Variants in CSKMT observed in about 807,000 individuals in gnomAD.
CSKMT encodes citrate synthase lysine methyltransferase.
Under a neutral mutation model 4.6 loss-of-function variants are expected in CSKMT, and 6 were observed. That is an observed-to-expected ratio of 1.31 (90% CI 0.72 to 2.59). CSKMT has a LOEUF of 2.59. Among genes scored for constraint, CSKMT ranks in the 30% most tolerant of loss-of-function variants. CSKMT has a pLI of 0.00. For missense variants in CSKMT, 328 were observed against 298.0 expected (o/e 1.10, Z -0.74); for synonymous variants, 142 against 128.9 (o/e 1.10, Z -0.69).
rs868256313 is a variant in CSKMT, at chr11:62,668,009, C to T, written c.*958C>T. 8.0e-6 allele frequency: 3 copies of T among 374,254 alleles called. No individual in the cohort carries two copies. The Admixed American group carries it at 1.2e-4, about 15-fold the overall frequency. 23.2% of individuals were successfully genotyped at this position (374,254 alleles called of 1,614,324 possible). On this transcript the variant is annotated 3_prime_UTR_variant, in exon 3 of 3. Coordinates refer to ENST00000532971, the MANE Select transcript of CSKMT (RefSeq NM_001043229.2). The stretch of plus-strand genomic sequence containing the variant: ...CTTGAACCCTGGGAGGTCAAAGCTG[C>T]AATGGGCCATGATAAGCTGCTGCAC...
At position 62,667,136 on chromosome 11, in the gene CSKMT, AGT is replaced by A; in HGVS notation, c.*87_*88del. On this transcript the variant is annotated 3_prime_UTR_variant, in exon 3 of 3. Coordinates refer to ENST00000532971, the MANE Select transcript of CSKMT (RefSeq NM_001043229.2). Reference sequence around the variant, plus strand: ...GTCTTTGCAAGCTATCTGGCTGCAAAGTGAGAATTTGAGTCCTGGCTTCCACA... The same window carrying A: ...GTCTTTGCAAGCTATCTGGCTGCAAAGAGAATTTGAGTCCTGGCTTCCACA... The A allele has an allele frequency of 5.0e-6, 7 of 1,406,250 alleles. No homozygotes were observed. The highest frequency in any genetic ancestry group is 6.7e-6 in the Non-Finnish European group (7 of 1,037,742). The allele number at this position is 1,406,250 out of a possible 1,614,324, so 87.1% of individuals were successfully genotyped here.
Position 62,666,398 on chromosome 11 carries a change from T to C in CSKMT, c.70T>C (p.Ser24Pro). The C allele has an allele frequency of 1.2e-6, 2 of 1,608,650 alleles. No homozygotes were observed. The highest frequency in any genetic ancestry group is 1.1e-5 in the South Asian group (1 of 91,074). Residue 24 changes from serine to proline, a missense_variant and splice_region_variant, in exon 3 of 3, where the codon TCA becomes CCA. Ser to Pro is a moderately conservative substitution (Grantham distance 74). Transcript: ENST00000532971. Reference sequence around the variant, plus strand: ...ACACCCTCCAACCGTGCCCACAGGCTCACTGGCTGATAGTTGCCTGGCGGA... The same window carrying C: ...ACACCCTCCAACCGTGCCCACAGGCCCACTGGCTGATAGTTGCCTGGCGGA... The part of the protein sequence containing the change: ...MMGTCRPFAG[S>P]LADSCLADRC...
In CSKMT at chr11:62,666,754, C is replaced by T. The variant is rs749819388; in HGVS notation, c.426C>T (p.His142=). 4.6e-5 allele frequency: 74 copies of T among 1,614,046 alleles called. No homozygotes were observed. In the Admixed American group the frequency reaches 6.8e-4, roughly 15 times the overall value. The part of the protein sequence containing the change: ...GHPASSLHFM[H]ADAQNLGAVA... ...CTGCCTCAAGCCTCCACTTCATGCA[C>T]GCCGATGCTCAGAACCTGGGGGCTG... is the stretch of plus-strand genomic sequence containing the variant. The change falls in exon 3 of 3, where the codon CAC becomes CAT. Residue 142 remains histidine, a synonymous_variant. Transcript: ENST00000532971.
chr11:62,667,801 C>T lies in CSKMT; in HGVS notation c.*750C>T. 7.8e-7 allele frequency: 1 copy of T among 1,281,266 alleles called. No homozygotes were observed. Among genetic ancestry groups the T allele is most frequent in the African/African-American group, 1.5e-5 (1 of 67,698 alleles). The allele number at this position is 1,281,266 out of a possible 1,614,324, so 79.4% of individuals were successfully genotyped here. On this transcript the variant is annotated 3_prime_UTR_variant, in exon 3 of 3. Transcript: ENST00000532971. The stretch of plus-strand genomic sequence containing the variant: ...ATATTACTGATATATTATCAAATTA[C>T]AAAACTAGGCCAGGCATGCTGGCTC...
chr11:62,665,857 GT>G lies in CSKMT; in HGVS notation c.-22del. 3.1e-6 allele frequency: 5 copies of G among 1,610,762 alleles called. No homozygotes were observed. The highest frequency in any genetic ancestry group is 4.2e-6 in the Non-Finnish European group (5 of 1,177,710). ...TGGACGCTTCACATAAGCTTCTCTG[GT>G]CGAACTTACCCGAATCTCCAGATGG... On this transcript the variant is annotated 5_prime_UTR_variant, in exon 2 of 3. Transcript: ENST00000532971.
chr11:62,666,426 G>T lies in CSKMT; in HGVS notation c.98G>T (p.Arg33Leu), dbSNP rs72927292. The stretch of plus-strand genomic sequence containing the variant: ...CTGGCTGATAGTTGCCTGGCGGACC[G>T]CTGTCTCTGGGATCGGCTGCATGCC... ...GSLADSCLAD[R>L]CLWDRLHAQP... Residue 33 changes from arginine to leucine, a missense_variant, in exon 3 of 3, where the codon CGC becomes CTC. By Grantham distance (102) the Arg-to-Leu change is moderately radical. Coordinates refer to ENST00000532971, the MANE Select transcript of CSKMT (RefSeq NM_001043229.2). 1 of 1,611,800 alleles carries T rather than the reference G, an allele frequency of 6.2e-7. No homozygotes were observed. Among genetic ancestry groups the T allele is most frequent in the South Asian group, 1.1e-5 (1 of 91,084 alleles).
At position 62,666,811 on chromosome 11, in the gene CSKMT, G is replaced by A. The variant is rs750614380; in HGVS notation, c.483G>A (p.Leu161=). The A allele has an allele frequency of 2.5e-6, 4 of 1,614,106 alleles. No individual in the cohort carries two copies. In the East Asian group the frequency reaches 8.9e-5, roughly 36 times the overall value. The change falls in exon 3 of 3, where the codon CTG becomes CTA. Residue 161 remains leucine, a synonymous_variant. Transcript: ENST00000532971. ...VASSGSFQLL[L]DKGTWDAVAR... is the part of the protein sequence containing the mutation. ...CTTCAGGCTCTTTCCAACTACTGCTGGACAAAGGCACATGGGATGCTGTTG... is the reference window on the plus strand; with the variant it reads ...CTTCAGGCTCTTTCCAACTACTGCTAGACAAAGGCACATGGGATGCTGTTG...
At chr11:62,665,440 G>C in intron 1 of CSKMT, 108 bp downstream of exon 1, 1 of 1,552,522 alleles carries the variant, frequency 6.4e-7, no homozygotes, top group South Asian at 1.1e-5. Context: ...TCTTGGCGGG[G>C]ATCGGGCTTG....
Position 62,667,330 on chromosome 11 carries a change from CAACT to C in CSKMT, c.*284_*287del, listed in dbSNP as rs1313711725. The C allele has an allele frequency of 3.0e-6, 2 of 661,330 alleles. No individual in the cohort carries two copies. Among genetic ancestry groups the C allele is most frequent in the Non-Finnish European group, 5.2e-6 (2 of 383,612 alleles). The allele number at this position is 661,330 out of a possible 1,614,324, so 41.0% of individuals were successfully genotyped here. A position where few individuals can be genotyped will look rare whatever the true frequency, so the allele number is the denominator to read the frequency against. ...GTACAATTGGGTCATTCCCCAGTTT[CAACT>C]AACTGGAGCTCCTAAAAGCAGCAGA... is the stretch of plus-strand genomic sequence containing the variant. On this transcript the variant is annotated 3_prime_UTR_variant, in exon 3 of 3. Transcript: ENST00000532971.
rs572121777 is a variant in CSKMT, at chr11:62,665,566, C to T, written c.-233-81C>T. 4.5e-4 allele frequency: 713 copies of T among 1,569,144 alleles called. 7 individuals are homozygous for T. The highest frequency in any genetic ancestry group is 3.4e-5 in the South Asian group (3 of 89,192). ...CTGGTTCTATCCTCAAACGCCGGGA[C>T]ACCGGGAATCTCGGAGAAGGACAAC... is the stretch of plus-strand genomic sequence containing the variant. On this transcript the variant is annotated intron_variant, in intron 1 of 2. Coordinates refer to ENST00000532971, the MANE Select transcript of CSKMT (RefSeq NM_001043229.2).
At position 62,666,427 on chromosome 11, in the gene CSKMT, CTG is replaced by C; in HGVS notation, c.101_102del (p.Cys34SerfsTer84). ...SLADSCLADR[C>X]LWDRLHAQPR... is the part of the protein sequence containing the mutation. ...TGGCTGATAGTTGCCTGGCGGACCG[CTG>C]TCTCTGGGATCGGCTGCATGCCCAG... On this transcript the variant is annotated frameshift_variant, in exon 3 of 3. Transcript: ENST00000532971. LOFTEE classifies it low-confidence loss of function (END_TRUNC). 1.9e-6 allele frequency: 3 copies of C among 1,612,236 alleles called. No individual in the cohort carries two copies. Among genetic ancestry groups the C allele is most frequent in the Non-Finnish European group, 2.5e-6 (3 of 1,180,016 alleles).
Position 62,667,486 on chromosome 11 carries a change from T to TG in CSKMT, c.*437dup. The TG allele has an allele frequency of 6.3e-7, 1 of 1,599,534 alleles. No homozygotes were observed. Among genetic ancestry groups the TG allele is most frequent in the Non-Finnish European group, 8.6e-7 (1 of 1,166,978 alleles). ...ATGGGTATAAGGAGCTTCATAAACCTGGATGAGATATTTGAGGGGGAGGGA... is the reference window on the plus strand; with the variant it reads ...ATGGGTATAAGGAGCTTCATAAACCTGGGATGAGATATTTGAGGGGGAGGGA... On this transcript the variant is annotated 3_prime_UTR_variant, in exon 3 of 3. Transcript: ENST00000532971.
intron 1 of CSKMT, 146 bp from the exon 2 acceptor site, chr11:62,665,501 C>G (rs551831869): frequency 6.4e-7 from 1 of 1,573,808 alleles, no homozygotes; most frequent in Non-Finnish European, 8.6e-7. Flanking sequence ...GCTCTGGCCC[C>G]CTCGGCGTCA....
rs1253501311 is a variant in CSKMT at position 62,667,416 on chromosome 11, C to G, written c.*365C>G. 8.5e-7 allele frequency: 1 copy of G among 1,178,856 alleles called. No individual in the cohort carries two copies. The highest frequency in any genetic ancestry group is 1.9e-5 in the Admixed American group (1 of 53,092). The allele number at this position is 1,178,856 out of a possible 1,614,324, so 73.0% of individuals were successfully genotyped here. On this transcript the variant is annotated 3_prime_UTR_variant, in exon 3 of 3. Transcript: ENST00000532971. ...GACTTGTATAATCTAGTGGCCTAAC[C>G]TGTAAGCCTCATTTTTGTCACCTGT...
chr11:62,666,927 A>G lies in CSKMT; in HGVS notation c.599A>G (p.Glu200Gly). The part of the protein sequence containing the change: ...PQGTLIQFSD[E>G]DPDVRLPCLE... ...GGGACCCTGATTCAGTTCTCAGATG[A>G]GGACCCTGATGTGCGACTGCCCTGC... is the stretch of plus-strand genomic sequence containing the variant. The change falls in exon 3 of 3, where the codon GAG (glutamate) becomes GGG (glycine). Residue 200 changes from glutamate to glycine, a missense_variant. Transcript: ENST00000532971. 1 of 1,613,862 alleles carries G rather than the reference A, an allele frequency of 6.2e-7. No homozygotes were observed. The highest frequency in any genetic ancestry group is 1.3e-5 in the African/African-American group (1 of 75,046).
In CSKMT at chr11:62,666,941, C is replaced by T. The variant is rs778729080; in HGVS notation, c.613C>T (p.Arg205Ter). Reference protein sequence around the residue: ...IQFSDEDPDVRLPCLEQGSYG... With the variant: ...IQFSDEDPDV ...GTTCTCAGATGAGGACCCTGATGTG[C>T]GACTGCCCTGCCTGGAACAAGGGTC... is the stretch of plus-strand genomic sequence containing the variant. Residue 205 changes from arginine to a stop codon, truncating the protein, a stop_gained, in exon 3 of 3, where the codon CGA becomes TGA. Coordinates refer to ENST00000532971, the MANE Select transcript of CSKMT (RefSeq NM_001043229.2). LOFTEE classifies it high-confidence loss of function. The T allele has an allele frequency of 1.6e-5, 26 of 1,614,142 alleles. No homozygotes were observed. In the South Asian group the frequency reaches 1.9e-4, roughly 12 times the overall value.
chr11:62,665,462 C>A (rs914338142), intron 1 of CSKMT, 130 bp downstream of exon 1: 10 of 1,572,042 alleles, frequency 6.4e-6, no homozygotes, highest in Non-Finnish European at 8.6e-6. Flanking sequence ...GGTGCCGCTC[C>A]CCGTAATGTA....
rs772068727 is a variant in CSKMT at position 62,666,891 on chromosome 11, T to C, written c.563T>C (p.Leu188Pro). ...CTTCTATCAGAATGCTTGAGGGTTCTAAACCCTCAGGGGACCCTGATTCAG... is the reference window on the plus strand; with the variant it reads ...CTTCTATCAGAATGCTTGAGGGTTCCAAACCCTCAGGGGACCCTGATTCAG... ...YQLLSECLRV[L>P]NPQGTLIQFS... The change falls in exon 3 of 3, where the codon CTA (leucine) becomes CCA (proline). Residue 188 changes from leucine (L) to proline (P), a missense_variant. Coordinates refer to ENST00000532971, the MANE Select transcript of CSKMT (RefSeq NM_001043229.2). 1 of 1,614,186 alleles carries C rather than the reference T, an allele frequency of 6.2e-7. No homozygotes were observed. The highest frequency in any genetic ancestry group is 1.1e-5 in the South Asian group (1 of 91,086).
rs2134634283 is a variant in CSKMT, at chr11:62,667,025, G to GT, written c.697_698insT (p.Ala233ValfsTer13). ...CCCGTTCAGGGGCATCACCTACTTT[G>GT]CTTACTTGATTCAAGGCTCTCATTA... On this transcript the variant is annotated frameshift_variant, in exon 3 of 3. Transcript: ENST00000532971. LOFTEE classifies it high-confidence loss of function. 6.2e-7 allele frequency: 1 copy of GT among 1,607,030 alleles called. No individual in the cohort carries two copies. The highest frequency in any genetic ancestry group is 1.7e-5 in the Admixed American group (1 of 58,610).
Sources: allele counts gnomAD v4.1 joint callset, GRCh38; gene constraint gnomAD v4.1.1; transcripts MANE v1.5; gene names NCBI Gene and HGNC (gene_info 2026-07-23, HGNC 2026-07-21).